JAKMIP2: variants seen among roughly 807,000 people sequenced by gnomAD.
JAKMIP2 encodes the protein janus kinase and microtubule interacting protein 2, also known as janus kinase and microtubule-interacting protein 2.
A neutral mutation model predicts 115.0 loss-of-function variants in JAKMIP2; 25 were observed. That is an observed-to-expected ratio of 0.22 (90% CI 0.16 to 0.30). JAKMIP2 has a LOEUF of 0.30. Among genes scored for constraint, JAKMIP2 ranks in the 10% least tolerant of loss-of-function variants. The pLI is 1.00. For missense variants in JAKMIP2, 642 were observed against 957.6 expected (o/e 0.67, Z 4.35); for synonymous variants, 334 against 343.6 (o/e 0.97, Z 0.31).
At chr5:147,675,002 G>A (rs954334862) in intron 1 of JAKMIP2, among the ~76,000 whole-genome samples, 1 of 152,138 alleles carries the variant, frequency 6.6e-6, no homozygotes, top group African/African-American at 2.4e-5. Context: ...TGATGGAATC[G>A]TGCCCAATTT....
rs542336783 is a variant in JAKMIP2 at position 147,723,692 on chromosome 5, T to C, written c.-148-51738A>G. 6.6e-5 allele frequency among the ~76,000 whole-genome samples: 10 copies of C among 152,292 alleles called. No homozygotes were observed. The South Asian group carries it at 2.1e-3, about 32-fold the overall frequency. On this transcript the variant is annotated intron_variant, in intron 1 of 21. Coordinates refer to ENST00000616793, the MANE Select transcript of JAKMIP2 (RefSeq NM_001270941.2). ...TATTTTTAGCAATTACAGCTCTGCC[T>C]TTGTCTCATTTACTATGCAGTCTGT...
intron 2 of JAKMIP2, among the ~76,000 whole-genome samples, chr5:147,671,430 C>T (rs1421344066): frequency 1.3e-5 from 2 of 152,214 alleles, no homozygotes; most frequent in African/African-American, 4.8e-5. Flanking sequence ...TATCTGGCTT[C>T]CTGAACCGGG....
At chr5:147,632,808 G>T (rs1466928872) in intron 12 of JAKMIP2, 30 bp from the exon 13 acceptor site, 2 of 1,453,150 alleles carry the variant, frequency 1.4e-6, no homozygotes, top group Non-Finnish European at 1.9e-6. Flanking sequence ...AGTTAGGTAA[G>T]CATTGAGAAA....
intron 1 of JAKMIP2, 21 bp from the exon 2 acceptor site, chr5:147,671,975 T>C (rs893971155): frequency 2.0e-5 from 25 of 1,248,530 alleles, no homozygotes; most frequent in African/African-American, 4.6e-5. Flanking sequence ...GCAGAGATAG[T>C]AGTTATTGTT....
intron 1 of JAKMIP2, among the ~76,000 whole-genome samples, chr5:147,703,470 A>G (rs181475304): frequency 2.6e-4 from 40 of 152,290 alleles, no homozygotes; most frequent in Admixed American, 2.4e-3. Context: ...GTGAGTGGTG[A>G]GTGAACGTGA....
intron 1 of JAKMIP2, among the ~76,000 whole-genome samples, chr5:147,766,362 GA>G (rs1269820062): frequency 4.6e-5 from 7 of 152,006 alleles, no homozygotes; most frequent in Non-Finnish European, 8.8e-5. Flanking sequence ...TTGAAAGGAG[GA>G]AAAAAATAAG....
Position 147,639,772 on chromosome 5 carries a change from GA to G in JAKMIP2, c.1402-13del, listed in dbSNP as rs79801275. ...TCAGCTGCTAAACTCTTGAGGTTAA[GA>G]AAAAAAGCCCCAAAACAATTGTGTT... On this transcript the variant is annotated splice_polypyrimidine_tract_variant and intron_variant, in intron 9 of 21. Coordinates refer to ENST00000616793, the MANE Select transcript of JAKMIP2 (RefSeq NM_001270941.2). 0.17 allele frequency: 276,141 copies of G among 1,607,162 alleles called. 31,009 individuals are homozygous for G. Among genetic ancestry groups the G allele is most frequent in the East Asian group, 0.5 (22,550 of 44,726 alleles).
At chr5:147,746,930 C>T (rs769452218) in intron 1 of JAKMIP2, among the ~76,000 whole-genome samples, 7 of 152,116 alleles carry the variant, frequency 4.6e-5, no homozygotes, top group Non-Finnish European at 1.0e-4. Context: ...ACCAAATAAG[C>T]CAGTGCCCAT....
At chr5:147,645,540 C>G (rs983533459) in intron 5 of JAKMIP2, among the ~76,000 whole-genome samples, 1 of 152,092 alleles carries the variant, frequency 6.6e-6, no homozygotes, top group African/African-American at 2.4e-5. Context: ...AAAAACCACA[C>G]GTAAGTTTGA....
At chr5:147,732,083 G>A (rs1753754209) in intron 1 of JAKMIP2, among the ~76,000 whole-genome samples, 1 of 152,174 alleles carries the variant, frequency 6.6e-6, no homozygotes, top group Non-Finnish European at 1.5e-5. Flanking sequence ...TAGTTGCAAG[G>A]TAAATTCTAA....
chr5:147,592,175 G>A (rs1166100888), intron 21 of JAKMIP2, among the ~76,000 whole-genome samples: 2 of 152,150 alleles, frequency 1.3e-5, no homozygotes, highest in Non-Finnish European at 2.9e-5. Context: ...TACCCAATAG[G>A]TAGTTTTTCA....
At chr5:147,707,175 A>G (rs1176504568) in intron 1 of JAKMIP2, among the ~76,000 whole-genome samples, 2 of 152,192 alleles carry the variant, frequency 1.3e-5, no homozygotes, top group African/African-American at 2.4e-5. Context: ...ACGTGCTCTT[A>G]GTAATGCCTG....
At chr5:147,735,464 AG>A (rs1753885691) in intron 1 of JAKMIP2, among the ~76,000 whole-genome samples, 1 of 152,164 alleles carries the variant, frequency 6.6e-6, no homozygotes, top group Non-Finnish European at 1.5e-5. Flanking sequence ...AAATAGTGGC[AG>A]GCAAGAGAGC....
At chr5:147,702,599 AGAAG>A (rs1161124308) in intron 1 of JAKMIP2, among the ~76,000 whole-genome samples, 2,675 of 117,304 alleles carry the variant, frequency 0.023, 52 homozygotes, top group East Asian at 0.04. Flanking sequence ...AAAGAAAGAA[AGAAG>A]GAAAGAAAGA....
Position 147,626,123 on chromosome 5 carries a change from G to T in JAKMIP2, c.1996-2434C>A, listed in dbSNP as rs375288249. Reference sequence around the variant, plus strand: ...TAGTCTCAAGACATTCATTGTTGTTGTTTAGAATTACTTGGATGTAGAAAC... The same window carrying T: ...TAGTCTCAAGACATTCATTGTTGTTTTTTAGAATTACTTGGATGTAGAAAC... On this transcript the variant is annotated intron_variant, in intron 16 of 21. Transcript: ENST00000616793. Among the ~76,000 whole-genome samples, 296 of 152,272 alleles carry T rather than the reference G, an allele frequency of 1.9e-3. 3 individuals are homozygous for T. The highest frequency in any genetic ancestry group is 7.0e-3 in the African/African-American group (289 of 41,562).
chr5:147,734,477 A>G (rs963608464), intron 1 of JAKMIP2, among the ~76,000 whole-genome samples: 1 of 133,694 alleles, frequency 7.5e-6, no homozygotes, highest in African/African-American at 2.7e-5. Context: ...AGAGGGGGGA[A>G]CATCACACAA....
At chr5:147,781,191 G>A (rs1264774502) in intron 1 of JAKMIP2, among the ~76,000 whole-genome samples, 1 of 152,076 alleles carries the variant, frequency 6.6e-6, no homozygotes, top group Non-Finnish European at 1.5e-5. Flanking sequence ...ATTTGGAAAC[G>A]GCTGGGCTAG....
intron 1 of JAKMIP2, among the ~76,000 whole-genome samples, chr5:147,702,652 GAAAGAA>G (rs1752410017): frequency 2.5e-5 from 3 of 118,628 alleles, no homozygotes; most frequent in African/African-American, 3.9e-5. Context: ...AAGAAAGAAA[GAAAGAA>G]AGAAAGAGAG....
At position 147,772,203 on chromosome 5, in the gene JAKMIP2, C is replaced by T. The variant is rs544154213; in HGVS notation, c.-149+10253G>A. Among the ~76,000 whole-genome samples, 5 of 151,898 alleles carry T rather than the reference C, an allele frequency of 3.3e-5. 1 individual carries two copies. The highest frequency in any genetic ancestry group is 1.3e-4 in the Admixed American group (2 of 15,218). On this transcript the variant is annotated intron_variant, in intron 1 of 21. Transcript: ENST00000616793. ...GCCTTAGTCTACTAATTATGAAAGA[C>T]GTAAATAATTGCTGGGACATAAGGG...
Sources: gnomAD v4.1 joint callset for allele counts (sites outside exome capture counted in the v4.1 genomes callset) on GRCh38, gnomAD v4.1.1 for gene constraint, MANE v1.5 for transcripts, NCBI Gene and HGNC (gene_info 2026-07-23, HGNC 2026-07-21) for gene names.